SIPA1L1: variants seen among roughly 807,000 people sequenced by gnomAD.
SIPA1L1 encodes the protein signal induced proliferation associated 1 like 1.
Under a neutral mutation model 162.7 loss-of-function variants are expected in SIPA1L1, and 26 were observed. The ratio of observed to expected loss-of-function variants is 0.16; its 90% CI spans 0.12 to 0.22. The LOEUF is 0.22. Ranked by LOEUF, SIPA1L1 falls within the 10% of genes least tolerant of loss-of-function variation. SIPA1L1 has a pLI of 1.00. For synonymous variants in SIPA1L1, 829 were observed against 837.4 expected (o/e 0.99, Z 0.17); for missense variants, 1,874 against 2,241.0 (o/e 0.84, Z 3.31).
intron 2 of SIPA1L1, among the ~76,000 whole-genome samples, chr14:71,334,606 G>T (rs2034893787): frequency 6.6e-6 from 1 of 152,158 alleles, no homozygotes; most frequent in Non-Finnish European, 1.5e-5. Flanking sequence ...AATTTATTTA[G>T]GTGGGAGGGT....
intron 12 of SIPA1L1, among the ~76,000 whole-genome samples, chr14:71,676,819 C>T (rs756425748): frequency 7.2e-5 from 11 of 152,010 alleles, no homozygotes; most frequent in East Asian, 1.9e-4. Flanking sequence ...TCCTTTTTTA[C>T]GGCTGCATAG....
At chr14:71,540,432 G>A (rs1326751055) in intron 4 of SIPA1L1, among the ~76,000 whole-genome samples, 1 of 152,192 alleles carries the variant, frequency 6.6e-6, no homozygotes, top group Non-Finnish European at 1.5e-5. Context: ...TGTAATCCCA[G>A]CACCTTGGGA....
intron 9 of SIPA1L1, among the ~76,000 whole-genome samples, chr14:71,659,774 G>A (rs2043350738): frequency 6.6e-6 from 1 of 152,016 alleles, no homozygotes; most frequent in Non-Finnish European, 1.5e-5. Flanking sequence ...AGAGAAAGTG[G>A]GCATTTAAAT....
At chr14:71,591,596 T>C (rs2035402150) in intron 5 of SIPA1L1, among the ~76,000 whole-genome samples, 1 of 152,202 alleles carries the variant, frequency 6.6e-6, no homozygotes, top group African/African-American at 2.4e-5. Context: ...AACTAGTGAA[T>C]TGAAAATATC....
Position 71,601,544 on chromosome 14 carries a change from G to A in SIPA1L1, c.1498+12174G>A, listed in dbSNP as rs1327202756. ...GTATGTTCATGTGGAATACTGACCT[G>A]CAGTTTTCTTTTTTTGTTGTGTCCT... On this transcript the variant is annotated intron_variant, in intron 5 of 23. Transcript: ENST00000381232. Among the ~76,000 whole-genome samples, 3 of 152,138 alleles carry A rather than the reference G, an allele frequency of 2.0e-5. No homozygotes were observed. In the East Asian group the frequency reaches 5.8e-4, roughly 29 times the overall value.
At chr14:71,727,436 C>CTT (rs75777361) in intron 19 of SIPA1L1, among the ~76,000 whole-genome samples, 3 of 142,828 alleles carry the variant, frequency 2.1e-5, no homozygotes, top group African/African-American at 5.2e-5. Context: ...CTCAGGAAGC[C>CTT]TTTTTTTTTT....
chr14:71,627,131 C>CTTTTTTTTTTTTTTTTTTT (rs71105788), intron 7 of SIPA1L1, among the ~76,000 whole-genome samples: 6 of 48,788 alleles, frequency 1.2e-4, no homozygotes, highest in African/African-American at 2.5e-4. Flanking sequence ...ACTTTCACTA[C>CTTTTTTTTTTTTTTTTTTT]TTTTTTTTTT....
At chr14:71,383,282 C>G (rs2040053112) in intron 2 of SIPA1L1, among the ~76,000 whole-genome samples, 1 of 152,190 alleles carries the variant, frequency 6.6e-6, no homozygotes, top group Non-Finnish European at 1.5e-5. Context: ...TTAACCCACA[C>G]TGGTCCTGGA....
intron 4 of SIPA1L1, among the ~76,000 whole-genome samples, chr14:71,562,102 A>G (rs1366552603): frequency 6.6e-6 from 1 of 151,902 alleles, no homozygotes; most frequent in African/African-American, 2.4e-5. Flanking sequence ...AATGTAAGTA[A>G]TTATATATTT....
intron 4 of SIPA1L1, among the ~76,000 whole-genome samples, chr14:71,549,724 G>A (rs538739707): frequency 3.9e-5 from 6 of 152,308 alleles, no homozygotes; most frequent in African/African-American, 9.6e-5. Flanking sequence ...GACTCTTCAT[G>A]TGCTGAACAG....
At chr14:71,381,977 T>C (rs1434886511) in intron 2 of SIPA1L1, among the ~76,000 whole-genome samples, 5 of 152,202 alleles carry the variant, frequency 3.3e-5, no homozygotes, top group Admixed American at 3.3e-4. Context: ...TTTGTTTAAA[T>C]TTTTGAGGTT....
intron 9 of SIPA1L1, among the ~76,000 whole-genome samples, chr14:71,660,774 G>T (rs184867975): frequency 6.6e-6 from 1 of 152,312 alleles, no homozygotes; most frequent in East Asian, 1.9e-4. Flanking sequence ...TGCAGTTAAA[G>T]AAGCTGTTTA....
In SIPA1L1 at chr14:71,650,309, A is replaced by G. The variant is rs373729755; in HGVS notation, c.1819-26A>G. 1.6e-5 allele frequency: 26 copies of G among 1,613,134 alleles called. No individual in the cohort carries two copies. The African/African-American group carries it at 1.7e-4, about 11-fold the overall frequency. On this transcript the variant is annotated intron_variant, in intron 7 of 23. Transcript: ENST00000381232. ...ACAAAGTGGATCTGCCTATATTTAT[A>G]TGCATCGTATTACCTGCCTTCACAG...
chr14:71,648,712 T>C (rs540923286), intron 7 of SIPA1L1, among the ~76,000 whole-genome samples: 2 of 152,246 alleles, frequency 1.3e-5, no homozygotes, highest in Non-Finnish European at 2.9e-5. Flanking sequence ...CAGCCCCATG[T>C]CAAGTTTTGC....
At chr14:71,421,086 C>T (rs534941948) in intron 2 of SIPA1L1, among the ~76,000 whole-genome samples, 1 of 152,166 alleles carries the variant, frequency 6.6e-6, no homozygotes, top group Admixed American at 6.5e-5. Flanking sequence ...TAATAGTTTT[C>T]TTTCAGTTTT....
chr14:71,511,639 A>G (rs2051161234), intron 2 of SIPA1L1, among the ~76,000 whole-genome samples: 1 of 152,138 alleles, frequency 6.6e-6, no homozygotes, highest in African/African-American at 2.4e-5. Context: ...TCCTGACACA[A>G]GAGCTTCGAA....
chr14:71,658,264 G>T, intron 8 of SIPA1L1, 69 bp from the exon 9 acceptor site: 5 of 781,008 alleles, frequency 6.4e-6, no homozygotes, highest in East Asian at 2.7e-5. Flanking sequence ...TCTTTTTTGA[G>T]ATATTTCTCT....
At chr14:71,485,478 A>G (rs1240054846) in intron 2 of SIPA1L1, among the ~76,000 whole-genome samples, 1 of 152,008 alleles carries the variant, frequency 6.6e-6, no homozygotes, top group Non-Finnish European at 1.5e-5. Context: ...TGCAAACCCT[A>G]TTGTGAACTG....
intron 7 of SIPA1L1, 183 bp from the exon 8 acceptor site, chr14:71,650,152 A>T: frequency 1.5e-6 from 1 of 678,466 alleles, no homozygotes; most frequent in Non-Finnish European, 2.6e-6. Flanking sequence ...TTCTCAGTTC[A>T]TGAAGTTCGT....
Sources: allele counts gnomAD v4.1 joint callset (sites outside exome capture counted in the v4.1 genomes callset), GRCh38; gene constraint gnomAD v4.1.1; transcripts MANE v1.5; gene names NCBI Gene and HGNC (gene_info 2026-07-23, HGNC 2026-07-21).